The following RAD51B variants were observed in gnomAD, a reference collection of about 807,000 sequenced individuals.
The protein encoded by RAD51B is DNA repair protein RAD51 homolog 2.
Under a neutral mutation model 42.2 loss-of-function variants are expected in RAD51B, and 38 were observed. That is an observed-to-expected ratio of 0.90 (90% CI 0.70 to 1.18). The LOEUF (loss-of-function observed/expected upper bound fraction) is 1.18. Ranked by LOEUF, RAD51B falls within the 50% of genes most tolerant of loss-of-function variation. The probability of loss-of-function intolerance (pLI) is 0.00; values close to 1 mark genes in which losing one functional copy is unlikely to be tolerated. For synonymous variants in RAD51B, 154 were observed against 145.2 expected (o/e 1.06, Z -0.43); for missense variants, 373 against 400.7 (o/e 0.93, Z 0.59).
In RAD51B at chr14:68,672,930, C is replaced by G. The variant is rs143499714; in HGVS notation, c.*11+22074C>G. Among the ~76,000 whole-genome samples, 115 of 152,314 alleles carry G rather than the reference C, an allele frequency of 7.6e-4. 2 individuals are homozygous for G. The highest frequency in any genetic ancestry group is 2.6e-3 in the African/African-American group (110 of 41,546). On this transcript the variant is annotated intron_variant, in intron 11 of 11. Transcript: ENST00000488612. ...GAAGACAGGCAGCAACCACAGAACA[C>G]AGTACCTCATGCATAGGAATTAAGT...
intron 7 of RAD51B, among the ~76,000 whole-genome samples, chr14:68,097,866 G>T (rs769539427): frequency 5.9e-5 from 9 of 152,154 alleles, no homozygotes; most frequent in Non-Finnish European, 1.2e-4. Flanking sequence ...TTCATGCTAA[G>T]TTCCCTGCAT....
chr14:68,440,037 C>T (rs35135952), intron 9 of RAD51B, among the ~76,000 whole-genome samples: 13 of 152,308 alleles, frequency 8.5e-5, no homozygotes, highest in African/African-American at 2.9e-4. Context: ...GATTATTAAG[C>T]GGTTAGTGAT....
chr14:68,157,785 T>G (rs1324470272), intron 7 of RAD51B, among the ~76,000 whole-genome samples: 1 of 152,244 alleles, frequency 6.6e-6, no homozygotes, highest in Non-Finnish European at 1.5e-5. Context: ...TTATTTGGTT[T>G]GTTTGTTTAT....
chr14:67,929,863 T>C (rs1425594363), intron 7 of RAD51B, among the ~76,000 whole-genome samples: 1 of 152,046 alleles, frequency 6.6e-6, no homozygotes, highest in Non-Finnish European at 1.5e-5. Flanking sequence ...TTTTCTAGGC[T>C]AGTCTTGAGC....
intron 8 of RAD51B, among the ~76,000 whole-genome samples, chr14:68,294,833 C>T (rs914940421): frequency 6.6e-6 from 1 of 152,196 alleles, no homozygotes; most frequent in Non-Finnish European, 1.5e-5. Flanking sequence ...CCTTTCCTCC[C>T]TGTATGTTTT....
intron 7 of RAD51B, chr14:68,114,073 TG>T (rs1190872240): frequency 6.6e-6 from 1 of 152,122 alleles, no homozygotes; most frequent in African/African-American, 2.4e-5. Flanking sequence ...AATCTTTTGG[TG>T]AGAGTTTTCC....
intron 7 of RAD51B, among the ~76,000 whole-genome samples, chr14:68,028,331 G>A (rs1315275657): frequency 6.6e-6 from 1 of 152,196 alleles, no homozygotes; most frequent in African/African-American, 2.4e-5. Context: ...CTTTTGCTAG[G>A]TGTTCTGGGC....
In RAD51B at chr14:68,323,672, G is replaced by A. The variant is rs1376095523; in HGVS notation, c.853+31692G>A. On this transcript the variant is annotated intron_variant, in intron 8 of 10. Coordinates refer to ENST00000471583, the MANE Select transcript of RAD51B (RefSeq NM_133510.4). ...TAGCTGGGTGTGGTGGCAGGCACCTGTAATCCCAACTACTCCGGAAGCTGA... is the reference window on the plus strand; with the variant it reads ...TAGCTGGGTGTGGTGGCAGGCACCTATAATCCCAACTACTCCGGAAGCTGA... Among the ~76,000 whole-genome samples the A allele has an allele frequency of 2.0e-5, 3 of 152,214 alleles. No homozygotes were observed. In the East Asian group the frequency reaches 5.8e-4, roughly 29 times the overall value.
chr14:68,546,061 A>T (rs541606164), intron 10 of RAD51B, among the ~76,000 whole-genome samples: 13 of 152,322 alleles, frequency 8.5e-5, no homozygotes, highest in African/African-American at 2.2e-4. Flanking sequence ...ACCCTACTGT[A>T]TCCACCACTG....
chr14:68,047,502 A>C (rs2076321757), intron 7 of RAD51B, among the ~76,000 whole-genome samples: 1 of 152,206 alleles, frequency 6.6e-6, no homozygotes, highest in Non-Finnish European at 1.5e-5. Flanking sequence ...ACCACCACCC[A>C]GAAATAATGA....
At chr14:67,922,490 T>G (rs761116595) in intron 7 of RAD51B, among the ~76,000 whole-genome samples, 2 of 152,048 alleles carry the variant, frequency 1.3e-5, no homozygotes, top group Non-Finnish European at 2.9e-5. Flanking sequence ...AAGTAAAAGA[T>G]CTCAATGGAA....
At chr14:68,478,410 G>C (rs569870630), downstream of RAD51B, among the ~76,000 whole-genome samples, 55 of 152,332 alleles carry the variant, frequency 3.6e-4, no homozygotes, top group African/African-American at 1.3e-3. Context: ...AGGATGAAAT[G>C]ATTTCTTTAG....
At chr14:68,468,071 C>G in intron 9 of RAD51B, 101 bp from the exon 10 acceptor site, 2 of 931,930 alleles carry the variant, frequency 2.1e-6, no homozygotes, top group Admixed American at 3.9e-5. Context: ...TTGTGACTTA[C>G]AGTCCTATGT....
intron 9 of RAD51B, among the ~76,000 whole-genome samples, chr14:68,439,180 ACACACACTCT>A (rs1157218434): frequency 1.3e-5 from 1 of 78,980 alleles, no homozygotes; most frequent in Admixed American, 1.3e-4. Flanking sequence ...ACACACACAC[ACACACACTCT>A]CTCACACACA....
intron 7 of RAD51B, among the ~76,000 whole-genome samples, chr14:68,091,614 G>A (rs1359427674): frequency 6.6e-6 from 1 of 152,160 alleles, no homozygotes; most frequent in Non-Finnish European, 1.5e-5. Context: ...TGTCAGATGA[G>A]TAGATTGCAA....
At chr14:68,488,879 G>A (rs1329439994) in intron 10 of RAD51B, among the ~76,000 whole-genome samples, 2 of 152,204 alleles carry the variant, frequency 1.3e-5, no homozygotes, top group African/African-American at 4.8e-5. Flanking sequence ...CTGACCTCAT[G>A]TTGCCAGAAT....
chr14:68,581,760 C>T (rs1321546686), intron 10 of RAD51B, among the ~76,000 whole-genome samples: 5 of 152,174 alleles, frequency 3.3e-5, no homozygotes, highest in African/African-American at 9.7e-5. Context: ...TCAAACTATA[C>T]TACAAGCTTA....
At chr14:68,569,826 C>T (rs1159378367) in intron 10 of RAD51B, among the ~76,000 whole-genome samples, 6 of 152,180 alleles carry the variant, frequency 3.9e-5, no homozygotes, top group Admixed American at 2.6e-4. Context: ...GTAGGGAGCC[C>T]CCCAACCCAG....
chr14:68,501,890 G>A (rs1437104639), intron 10 of RAD51B, among the ~76,000 whole-genome samples: 1 of 152,286 alleles, frequency 6.6e-6, no homozygotes, highest in Non-Finnish European at 1.5e-5. Context: ...AGAAAGCAGC[G>A]ACTTGCCTTA....
Sources: gnomAD v4.1 joint callset for allele counts (sites outside exome capture counted in the v4.1 genomes callset) on GRCh38, gnomAD v4.1.1 for gene constraint, MANE v1.5 for transcripts, NCBI Gene and HGNC (gene_info 2026-07-23, HGNC 2026-07-21) for gene names.